PEBP4: variants seen among roughly 807,000 people sequenced by gnomAD.
The protein encoded by PEBP4 is phosphatidylethanolamine binding protein 4.
Under a neutral mutation model 23.9 loss-of-function variants are expected in PEBP4, and 22 were observed. That is an observed-to-expected ratio of 0.92 (90% CI 0.66 to 1.31). The LOEUF (loss-of-function observed/expected upper bound fraction) is 1.31. Among genes scored for constraint, PEBP4 ranks in the 40% most tolerant of loss-of-function variants. The pLI, the probability that PEBP4 is intolerant of heterozygous loss-of-function variation, is 0.00. For missense variants in PEBP4, 324 were observed against 281.7 expected, an observed-to-expected ratio of 1.15 and a Z score of -1.07; for synonymous variants, 112 against 99.3, an observed-to-expected ratio of 1.13 and a Z score of -0.76.
chr8:22,894,193 G>A (rs1180337890), intron 3 of PEBP4, among the ~76,000 whole-genome samples: 4 of 149,300 alleles, frequency 2.7e-5, no homozygotes, highest in Non-Finnish European at 6.1e-5. Context: ...ATGTCAGAAT[G>A]ATGAATATAA....
At chr8:22,794,824 A>C (rs1806210125) in intron 4 of PEBP4, among the ~76,000 whole-genome samples, 1 of 152,144 alleles carries the variant, frequency 6.6e-6, no homozygotes, top group Non-Finnish European at 1.5e-5. Flanking sequence ...GAAATATTAA[A>C]GCCTGTTCTC....
At position 22,855,865 on chromosome 8, in the gene PEBP4, A is replaced by AC. The variant is rs573998714; in HGVS notation, c.259-38131dup. Among the ~76,000 whole-genome samples, 307 of 152,018 alleles carry AC rather than the reference A, an allele frequency of 2.0e-3. 1 individual carries two copies. The highest frequency in any genetic ancestry group is 7.0e-3 in the African/African-American group (290 of 41,432). ...AAACCAGCCTAGACAACAAAGTGAG[A>AC]CCCCATTTTTACAAAAAAATTTTAA... On this transcript the variant is annotated intron_variant, in intron 3 of 6. Coordinates refer to ENST00000256404, the MANE Select transcript of PEBP4 (RefSeq NM_144962.3).
chr8:22,923,101 T>C (rs965078675), intron 2 of PEBP4, among the ~76,000 whole-genome samples: 3 of 152,234 alleles, frequency 2.0e-5, no homozygotes, highest in Non-Finnish European at 4.4e-5. Context: ...GGACAATACC[T>C]ATTTGCAGCT....
At chr8:22,890,903 C>A (rs1054832934) in intron 3 of PEBP4, among the ~76,000 whole-genome samples, 1 of 152,218 alleles carries the variant, frequency 6.6e-6, no homozygotes, top group African/African-American at 2.4e-5. Flanking sequence ...TCTCAGCTCA[C>A]TGCAACTTCT....
chr8:22,762,119 C>A (rs552197464), intron 4 of PEBP4, among the ~76,000 whole-genome samples: 1 of 151,316 alleles, frequency 6.6e-6, no homozygotes, highest in South Asian at 2.1e-4. Flanking sequence ...TTTAAATCGG[C>A]AAAAAAATGG....
At chr8:22,918,742 A>G (rs1469576004) in intron 3 of PEBP4, among the ~76,000 whole-genome samples, 1 of 152,192 alleles carries the variant, frequency 6.6e-6, no homozygotes, top group Non-Finnish European at 1.5e-5. Flanking sequence ...TGTCCCGCAG[A>G]GTAGCATATA....
At chr8:22,876,743 C>T (rs190990781) in intron 3 of PEBP4, among the ~76,000 whole-genome samples, 2 of 152,354 alleles carry the variant, frequency 1.3e-5, no homozygotes, top group Admixed American at 1.3e-4. Context: ...ATTTTCTCCA[C>T]TGTTTAAACA....
In PEBP4 at chr8:22,727,080, G is replaced by A. The variant is rs937160228; in HGVS notation, c.403+95C>T. The A allele has an allele frequency of 8.7e-6, 12 of 1,385,628 alleles. No homozygotes were observed. In the African/African-American group the frequency reaches 1.6e-4, roughly 18 times the overall value. The allele number at this position is 1,385,628 out of a possible 1,614,324, so 85.8% of individuals were successfully genotyped here. A position where few individuals can be genotyped will look rare whatever the true frequency, so the allele number is the denominator to read the frequency against. Reference sequence around the variant, plus strand: ...CATCCAAGAAAACTCTCAGGCTGGTGCTAGCACACGACAAAGCAGCACCAT... The same window carrying A: ...CATCCAAGAAAACTCTCAGGCTGGTACTAGCACACGACAAAGCAGCACCAT... On this transcript the variant is annotated intron_variant, in intron 5 of 6. Coordinates refer to ENST00000256404, the MANE Select transcript of PEBP4 (RefSeq NM_144962.3).
chr8:22,742,722 T>A (rs189857243), intron 4 of PEBP4, among the ~76,000 whole-genome samples: 101 of 152,300 alleles, frequency 6.6e-4, no homozygotes, highest in Middle Eastern at 6.8e-3. Flanking sequence ...GATCATCGCC[T>A]TGTGGAAAAA....
At chr8:22,738,975 G>A (rs1371924482) in intron 4 of PEBP4, among the ~76,000 whole-genome samples, 1 of 152,190 alleles carries the variant, frequency 6.6e-6, no homozygotes, top group Admixed American at 6.5e-5. Flanking sequence ...ATTTGGGAAG[G>A]GGTTGGTGGC....
chr8:22,876,113 G>T (rs1041569135), intron 3 of PEBP4, among the ~76,000 whole-genome samples: 2 of 152,064 alleles, frequency 1.3e-5, no homozygotes, highest in Non-Finnish European at 2.9e-5. Flanking sequence ...GTTTCGCCAT[G>T]TTGCCCAGGC....
intron 4 of PEBP4, among the ~76,000 whole-genome samples, chr8:22,743,914 T>G (rs17676443): frequency 0.61 from 92,535 of 151,966 alleles, 28,894 homozygotes; most frequent in East Asian, 0.76. Flanking sequence ...GTTTTGCTTG[T>G]GAGGTCTCCC....
At chr8:22,900,026 G>T (rs1808680720) in intron 3 of PEBP4, among the ~76,000 whole-genome samples, 1 of 152,012 alleles carries the variant, frequency 6.6e-6, no homozygotes, top group South Asian at 2.1e-4. Context: ...CCACCTGCCT[G>T]CATGACCTCT....
intron 3 of PEBP4, among the ~76,000 whole-genome samples, chr8:22,846,075 G>A (rs1807427468): frequency 6.6e-6 from 1 of 152,220 alleles, no homozygotes. Flanking sequence ...TCTTCTATGC[G>A]GACCTCCATC....
At chr8:22,753,889 C>T (rs1009403756) in intron 4 of PEBP4, among the ~76,000 whole-genome samples, 1 of 152,200 alleles carries the variant, frequency 6.6e-6, no homozygotes, top group Non-Finnish European at 1.5e-5. Flanking sequence ...CAGAGCACAT[C>T]TGTCTGGGTG....
intron 3 of PEBP4, chr8:22,897,748 A>G (rs1417790305): frequency 6.6e-6 from 1 of 152,024 alleles, no homozygotes; most frequent in Admixed American, 6.6e-5. Flanking sequence ...GAGCTCTTGT[A>G]CTCATCTCCT....
intron 2 of PEBP4, 47 bp downstream of exon 2, chr8:22,927,537 G>T (rs770187168): frequency 3.8e-6 from 6 of 1,575,206 alleles, no homozygotes; most frequent in South Asian, 1.2e-5. Flanking sequence ...CCATCTACCT[G>T]CCTGGTAGCC....
intron 3 of PEBP4, among the ~76,000 whole-genome samples, chr8:22,876,164 G>T (rs1808117966): frequency 6.6e-6 from 1 of 152,146 alleles, no homozygotes; most frequent in Non-Finnish European, 1.5e-5. Context: ...ACCAGCCTCA[G>T]CCTCCCAAAG....
intron 3 of PEBP4, among the ~76,000 whole-genome samples, chr8:22,919,670 A>G (rs1031477698): frequency 6.6e-6 from 1 of 152,194 alleles, no homozygotes; most frequent in Non-Finnish European, 1.5e-5. Context: ...AGCGTGTCTC[A>G]TGTTGTGACA....
Sources: allele counts gnomAD v4.1 joint callset (sites outside exome capture counted in the v4.1 genomes callset), GRCh38; gene constraint gnomAD v4.1.1; transcripts MANE v1.5; gene names NCBI Gene and HGNC (gene_info 2026-07-23, HGNC 2026-07-21).